Variants in CCBE1 observed in about 807,000 individuals in gnomAD.
The protein encoded by CCBE1 is collagen and calcium binding EGF domains 1.
A neutral mutation model predicts 50.0 loss-of-function variants in CCBE1; 37 were observed. The ratio of observed to expected loss-of-function variants is 0.74; its 90% CI spans 0.57 to 0.97. The LOEUF (loss-of-function observed/expected upper bound fraction) is 0.97. Ranked by LOEUF, CCBE1 falls within the 50% of genes least tolerant of loss-of-function variation. CCBE1 has a pLI of 0.00. For missense variants in CCBE1, 538 were observed against 523.8 expected (o/e 1.03, Z -0.26); for synonymous variants, 234 against 203.7 (o/e 1.15, Z -1.27).
At chr18:59,541,282 C>T (rs140454630) in intron 2 of CCBE1, among the ~76,000 whole-genome samples, 3 of 152,268 alleles carry the variant, frequency 2.0e-5, no homozygotes, top group African/African-American at 2.4e-5. Flanking sequence ...AAGGGAAAAT[C>T]ATGACAAATG....
At chr18:59,531,853 G>C (rs1915065329) in intron 2 of CCBE1, among the ~76,000 whole-genome samples, 1 of 152,170 alleles carries the variant, frequency 6.6e-6, no homozygotes, top group South Asian at 2.1e-4. Context: ...GGTGGGAAAG[G>C]TACTCAAGAC....
chr18:59,638,670 C>A (rs2053945163), intron 2 of CCBE1, among the ~76,000 whole-genome samples: 1 of 152,092 alleles, frequency 6.6e-6, no homozygotes, highest in African/African-American at 2.4e-5. Flanking sequence ...CTTAGAGAAA[C>A]CCAAAACAAT....
intron 5 of CCBE1, among the ~76,000 whole-genome samples, chr18:59,460,982 TA>T (rs1451426880): frequency 7.2e-6 from 1 of 139,736 alleles, no homozygotes; most frequent in Non-Finnish European, 1.6e-5. Flanking sequence ...AAAATAAAAA[TA>T]AAAAAATGAG....
intron 2 of CCBE1, among the ~76,000 whole-genome samples, chr18:59,649,352 C>T (rs565341716): frequency 8.5e-5 from 13 of 152,324 alleles, no homozygotes; most frequent in Admixed American, 2.0e-4. Context: ...AGCAGTTTAA[C>T]GTTTAACAGT....
intron 2 of CCBE1, among the ~76,000 whole-genome samples, chr18:59,484,536 C>T (rs145738533): frequency 1.3e-4 from 20 of 152,294 alleles, no homozygotes; most frequent in African/African-American, 3.9e-4. Flanking sequence ...GGACTGTCCA[C>T]GCAGTGGAGT....
At chr18:59,437,808 T>G (rs1312944735) in intron 10 of CCBE1, among the ~76,000 whole-genome samples, 2 of 152,212 alleles carry the variant, frequency 1.3e-5, no homozygotes, top group Non-Finnish European at 2.9e-5. Context: ...TCAAATGTTT[T>G]ATGATAATAC....
chr18:59,452,241 AG>A (rs1910973000), intron 6 of CCBE1, among the ~76,000 whole-genome samples: 1 of 152,190 alleles, frequency 6.6e-6, no homozygotes, highest in African/African-American at 2.4e-5. Context: ...TTATTTGGGC[AG>A]ATGTCCTATG....
chr18:59,628,380 A>G (rs1307868243), intron 2 of CCBE1, among the ~76,000 whole-genome samples: 2 of 152,052 alleles, frequency 1.3e-5, no homozygotes, highest in East Asian at 1.9e-4. Context: ...ACAAAATGGT[A>G]TTTTTTCCTA....
At chr18:59,610,856 C>T (rs373987182) in intron 2 of CCBE1, among the ~76,000 whole-genome samples, 15 of 152,208 alleles carry the variant, frequency 9.9e-5, no homozygotes, top group South Asian at 2.1e-4. Flanking sequence ...GCTCCACCAG[C>T]GCCCCTGGGG....
intron 7 of CCBE1, among the ~76,000 whole-genome samples, chr18:59,442,933 C>T (rs566579289): frequency 7.9e-4 from 121 of 152,246 alleles, no homozygotes; most frequent in Non-Finnish European, 1.5e-3. Context: ...TGCTCCCCTG[C>T]CCAGCTCCCT....
intron 2 of CCBE1, chr18:59,686,075 C>T (rs2054649404): frequency 6.6e-6 from 1 of 152,172 alleles, no homozygotes; most frequent in South Asian, 2.1e-4. Flanking sequence ...GCTTAATCTC[C>T]ATTATTCTTC....
intron 2 of CCBE1, among the ~76,000 whole-genome samples, chr18:59,555,470 G>A (rs1487449740): frequency 2.6e-5 from 4 of 152,138 alleles, no homozygotes; most frequent in African/African-American, 9.7e-5. Context: ...CAGGAATTTG[G>A]TTGTGTTAGA....
chr18:59,449,967 C>A (rs535360667), intron 6 of CCBE1, among the ~76,000 whole-genome samples: 1 of 152,290 alleles, frequency 6.6e-6, no homozygotes, highest in Non-Finnish European at 1.5e-5. Context: ...CTCTGTGTGG[C>A]AGCAGGAGTG....
chr18:59,507,148 A>T (rs972710596), intron 2 of CCBE1, among the ~76,000 whole-genome samples: 1 of 152,164 alleles, frequency 6.6e-6, no homozygotes, highest in African/African-American at 2.4e-5. Flanking sequence ...AAACATCTGA[A>T]AATCAACCAT....
intron 2 of CCBE1, among the ~76,000 whole-genome samples, chr18:59,490,740 A>T (rs1913060494): frequency 6.6e-6 from 1 of 152,264 alleles, no homozygotes; most frequent in South Asian, 2.1e-4. Flanking sequence ...GTAATTATTA[A>T]GAAACTGCTT....
intron 2 of CCBE1, among the ~76,000 whole-genome samples, chr18:59,683,593 G>A (rs1307109511): frequency 6.6e-6 from 1 of 152,166 alleles, no homozygotes; most frequent in Non-Finnish European, 1.5e-5. Flanking sequence ...AGCTACTCAG[G>A]AGGCTGAGGC....
intron 3 of CCBE1, among the ~76,000 whole-genome samples, chr18:59,472,699 C>G (rs927483339): frequency 1.2e-4 from 19 of 152,214 alleles, no homozygotes; most frequent in Admixed American, 1.1e-3. Context: ...CATCACCTCC[C>G]TCTCTCTTTT....
In CCBE1 at chr18:59,432,529, C is replaced by T. The variant is rs776931835; in HGVS notation, c.*3379G>A. On this transcript the variant is annotated 3_prime_UTR_variant, in exon 11 of 11. Transcript: ENST00000439986. ...GCTTTTTCTATCTAGTTAAAAGATA[C>T]ATTAGAAATAATGATGCCTTATGAT... 1.3e-5 allele frequency: 2 copies of T among 152,084 alleles called. No individual in the cohort carries two copies. The highest frequency in any genetic ancestry group is 2.9e-5 in the Non-Finnish European group (2 of 68,018). The allele number at this position is 152,084 out of a possible 1,614,324, so 9.4% of individuals were successfully genotyped here.
intron 2 of CCBE1, among the ~76,000 whole-genome samples, chr18:59,531,830 A>G (rs745329874): frequency 1.3e-5 from 2 of 152,168 alleles, no homozygotes; most frequent in African/African-American, 2.4e-5. Context: ...GCTTTCTAGA[A>G]TCTACAAATG....
Sources: gnomAD v4.1 joint callset for allele counts (sites outside exome capture counted in the v4.1 genomes callset) on GRCh38, gnomAD v4.1.1 for gene constraint, MANE v1.5 for transcripts, NCBI Gene and HGNC (gene_info 2026-07-23, HGNC 2026-07-21) for gene names.